Variants in PTCHD4 observed in about 807,000 individuals in gnomAD.
PTCHD4 encodes the protein patched domain containing 4.
PTCHD4 carries 33 observed loss-of-function variants against 58.1 expected under a neutral mutation model. That is an observed-to-expected ratio of 0.57 (90% CI 0.43 to 0.76). The LOEUF is 0.76. Ranked by LOEUF, PTCHD4 falls within the 30% of genes least tolerant of loss-of-function variation. The pLI is 0.00. For missense variants in PTCHD4, 1,058 were observed against 1,027.1 expected, an observed-to-expected ratio of 1.03 and a Z score of -0.41; for synonymous variants, 478 against 409.6, an observed-to-expected ratio of 1.17 and a Z score of -2.02.
intron 1 of PTCHD4, among the ~76,000 whole-genome samples, chr6:48,071,504 G>C (rs1764974488): frequency 6.6e-6 from 1 of 152,130 alleles, no homozygotes. Context: ...GATTGTGGGT[G>C]AACTTATAAA....
At chr6:47,950,693 GAGGT>G (rs1020845271) in intron 4 of PTCHD4, among the ~76,000 whole-genome samples, 1 of 152,164 alleles carries the variant, frequency 6.6e-6, no homozygotes, top group African/African-American at 2.4e-5. Flanking sequence ...GGAAGCAGTG[GAGGT>G]AGGTTACAGA....
At chr6:47,885,898 T>C (rs1479490867) in intron 4 of PTCHD4, among the ~76,000 whole-genome samples, 2 of 152,284 alleles carry the variant, frequency 1.3e-5, no homozygotes, top group East Asian at 3.9e-4. Flanking sequence ...AGCTCCCTGC[T>C]ACCTCTGCCT....
chr6:47,881,122 C>T (rs1020987432), intron 4 of PTCHD4, among the ~76,000 whole-genome samples: 1 of 152,118 alleles, frequency 6.6e-6, no homozygotes, highest in African/African-American at 2.4e-5. Flanking sequence ...CTGAAAGGCA[C>T]AAAATCAACT....
At chr6:47,912,474 A>G (rs1373412989) in intron 4 of PTCHD4, among the ~76,000 whole-genome samples, 2 of 152,110 alleles carry the variant, frequency 1.3e-5, no homozygotes, top group Non-Finnish European at 2.9e-5. Context: ...GCGTCCCCCA[A>G]CACTAAATGC....
chr6:48,054,561 T>C (rs1029865256), intron 3 of PTCHD4, among the ~76,000 whole-genome samples: 2 of 152,272 alleles, frequency 1.3e-5, no homozygotes, highest in African/African-American at 4.8e-5. Flanking sequence ...CTTTCTTCCT[T>C]ATGTCTGTTA....
Position 47,868,366 on chromosome 6 carries a change from G to A in PTCHD4, c.*9937C>T, listed in dbSNP as rs1763626885. Among the ~76,000 whole-genome samples the A allele has an allele frequency of 3.3e-5, 5 of 151,614 alleles. No homozygotes were observed. The highest frequency in any genetic ancestry group is 9.7e-5 in the African/African-American group (4 of 41,346). On this transcript the variant is annotated 3_prime_UTR_variant, in exon 5 of 5. Coordinates refer to ENST00000339488, the MANE Select transcript of PTCHD4 (RefSeq NM_001384253.1). ...CCTTTATATGGGGCCTTATTATTGTGTAACTGGCTATATAGGAAAATTCAA... is the reference window on the plus strand; with the variant it reads ...CCTTTATATGGGGCCTTATTATTGTATAACTGGCTATATAGGAAAATTCAA...
chr6:47,890,784 A>G, intron 4 of PTCHD4: 1 of 466,998 alleles, frequency 2.1e-6, no homozygotes, highest in Non-Finnish European at 2.8e-6. Flanking sequence ...CCAAAAGATG[A>G]AGCACCACTG....
chr6:47,859,137 C>A lies in PTCHD4; in HGVS notation c.*19166G>T, dbSNP rs1051440711. The stretch of plus-strand genomic sequence containing the variant: ...TATTTGTGTGCATACTCTTACAATT[C>A]CAGCTGAAAATGGCTTGGGGCAGTA... On this transcript the variant is annotated 3_prime_UTR_variant, in exon 5 of 5. Coordinates refer to ENST00000339488, the MANE Select transcript of PTCHD4 (RefSeq NM_001384253.1). Among the ~76,000 whole-genome samples, 6 of 151,994 alleles carry A rather than the reference C, an allele frequency of 3.9e-5. No individual in the cohort carries two copies. Among genetic ancestry groups the A allele is most frequent in the Non-Finnish European group, 8.8e-5 (6 of 67,958 alleles).
In PTCHD4 at chr6:47,871,119, T is replaced by C. The variant is rs1309815515; in HGVS notation, c.*7184A>G. Among the ~76,000 whole-genome samples, 4 of 151,602 alleles carry C rather than the reference T, an allele frequency of 2.6e-5. No homozygotes were observed. The highest frequency in any genetic ancestry group is 5.9e-5 in the Non-Finnish European group (4 of 67,694). On this transcript the variant is annotated 3_prime_UTR_variant, in exon 5 of 5. Transcript: ENST00000339488. ...AGGAAAGAAAATAAAAATGCTCAAC[T>C]TTTACTCTCATTTCTACAATTTGTC... is the stretch of plus-strand genomic sequence containing the variant.
At chr6:47,898,338 G>T (rs1253138607) in intron 4 of PTCHD4, among the ~76,000 whole-genome samples, 11 of 152,126 alleles carry the variant, frequency 7.2e-5, no homozygotes, top group Non-Finnish European at 1.0e-4. Context: ...AACCTCCAGA[G>T]ACTTGTTGTG....
intron 4 of PTCHD4, among the ~76,000 whole-genome samples, chr6:47,886,879 C>T (rs1489952146): frequency 6.6e-6 from 1 of 152,194 alleles, no homozygotes; most frequent in Non-Finnish European, 1.5e-5. Context: ...GCCCTACTCA[C>T]CCGCATTCCA....
At chr6:47,937,818 C>T (rs1235146462) in intron 4 of PTCHD4, among the ~76,000 whole-genome samples, 1 of 152,120 alleles carries the variant, frequency 6.6e-6, no homozygotes, top group Non-Finnish European at 1.5e-5. Context: ...GAAGCAACTA[C>T]ATTGGAATAA....
At chr6:48,099,883 G>T (rs891025070) in intron 1 of PTCHD4, among the ~76,000 whole-genome samples, 1 of 152,194 alleles carries the variant, frequency 6.6e-6, no homozygotes, top group African/African-American at 2.4e-5. Flanking sequence ...ACCGTAAGTA[G>T]ATTTTCTGCA....
intron 4 of PTCHD4, among the ~76,000 whole-genome samples, chr6:47,932,204 A>T (rs1449489549): frequency 6.6e-6 from 1 of 152,194 alleles, no homozygotes; most frequent in Admixed American, 6.5e-5. Flanking sequence ...ACTATCCAGG[A>T]GACTGCACAT....
chr6:48,082,655 C>A (rs1388530097), intron 1 of PTCHD4, among the ~76,000 whole-genome samples: 7 of 152,110 alleles, frequency 4.6e-5, no homozygotes, highest in Non-Finnish European at 1.0e-4. Context: ...CTCCATATCC[C>A]TACACAATAT....
chr6:48,014,482 G>T (rs1762798940), intron 3 of PTCHD4, among the ~76,000 whole-genome samples: 1 of 152,098 alleles, frequency 6.6e-6, no homozygotes, highest in Non-Finnish European at 1.5e-5. Context: ...GAGCTGAGTT[G>T]CAGTGTGCAG....
chr6:47,878,002 C>T lies in PTCHD4; in HGVS notation c.*301G>A, dbSNP rs113574727. 2.6e-5 allele frequency: 6 copies of T among 226,566 alleles called. No homozygotes were observed. Among genetic ancestry groups the T allele is most frequent in the African/African-American group, 1.4e-4 (6 of 44,270 alleles). 14.0% of individuals were successfully genotyped at this position (226,566 alleles called of 1,614,324 possible). On this transcript the variant is annotated 3_prime_UTR_variant, in exon 5 of 5. Transcript: ENST00000339488. ...CTAAGCATTTTATTTTTAAAAGAAGCTGGTTATTTTGGCCTTCTATCTTAA... is the reference window on the plus strand; with the variant it reads ...CTAAGCATTTTATTTTTAAAAGAAGTTGGTTATTTTGGCCTTCTATCTTAA...
chr6:47,951,706 T>C (rs1766659900), intron 4 of PTCHD4, among the ~76,000 whole-genome samples: 1 of 152,204 alleles, frequency 6.6e-6, no homozygotes, highest in African/African-American at 2.4e-5. Flanking sequence ...CAGAAGAATA[T>C]TTGACCAGAC....
chr6:48,045,419 C>T (rs1401082442), intron 3 of PTCHD4, among the ~76,000 whole-genome samples: 1 of 151,748 alleles, frequency 6.6e-6, no homozygotes, highest in African/African-American at 2.4e-5. Flanking sequence ...CTAGCAATGC[C>T]TCTACCCACA....
Sources: allele counts gnomAD v4.1 joint callset (sites outside exome capture counted in the v4.1 genomes callset), GRCh38; gene constraint gnomAD v4.1.1; transcripts MANE v1.5; gene names NCBI Gene and HGNC (gene_info 2026-07-23, HGNC 2026-07-21).